NEBL: variants seen among roughly 807,000 people sequenced by gnomAD.
The protein encoded by NEBL is LIM and SH3 protein 2.
Under a neutral mutation model 140.2 loss-of-function variants are expected in NEBL, and 122 were observed. The observed-to-expected ratio is 0.87, with a 90% CI of 0.75 to 1.01. The LOEUF is 1.01. NEBL is among the 50% of genes least tolerant of loss of function. The probability of loss-of-function intolerance (pLI) is 0.00; values close to 1 mark genes in which losing one functional copy is unlikely to be tolerated. For missense variants in NEBL, 1,365 were observed against 1,231.3 expected (o/e 1.11, Z -1.62); for synonymous variants, 436 against 398.9 (o/e 1.09, Z -1.11).
chr10:21,210,408 AG>A (rs1294994085), intron 3 of NEBL, among the ~76,000 whole-genome samples: 6 of 152,200 alleles, frequency 3.9e-5, no homozygotes, highest in Non-Finnish European at 7.3e-5. Flanking sequence ...AAAGAAAGAA[AG>A]AAAAACATCC....
At chr10:21,166,604 T>C (rs538706847) in intron 2 of NEBL, among the ~76,000 whole-genome samples, 10 of 152,368 alleles carry the variant, frequency 6.6e-5, no homozygotes, top group Admixed American at 6.5e-4. Flanking sequence ...GACACCAGGC[T>C]ACGGCCTATC....
At chr10:20,920,431 G>A (rs1029147573) in intron 4 of NEBL, among the ~76,000 whole-genome samples, 1 of 152,196 alleles carries the variant, frequency 6.6e-6, no homozygotes, top group Non-Finnish European at 1.5e-5. Context: ...AGAAATTGTA[G>A]TCCAGCGACA....
At position 21,173,258 on chromosome 10, in the gene NEBL, G is replaced by A. The variant is rs1589312938; in HGVS notation, c.69+507C>T. ...GCGCTGAGCCGGAGCTCTCCAGCAG[G>A]GATTATTCTTAGCAATGCGGCAGCG... On this transcript the variant is annotated intron_variant, in intron 1 of 6. Coordinates refer to the NEBL transcript ENST00000417816. This position sits in a 1 kb window ranked among gnomAD's most constrained non-coding sequence, Gnocchi z 5.7. Among the ~76,000 whole-genome samples the A allele has an allele frequency of 6.6e-6, 1 of 152,330 alleles. No homozygotes were observed. Among genetic ancestry groups the A allele is most frequent in the East Asian group, 1.9e-4 (1 of 5,170 alleles).
Position 20,915,211 on chromosome 10 carries a change from G to A in NEBL, c.357+46461C>T, listed in dbSNP as rs192148901. On this transcript the variant is annotated intron_variant, in intron 4 of 6. Coordinates refer to the NEBL transcript ENST00000417816. Reference sequence around the variant, plus strand: ...AATAACACTTCACCAACAAATACTTGTTAGACATTTATATATGCAAGGAAC... The same window carrying A: ...AATAACACTTCACCAACAAATACTTATTAGACATTTATATATGCAAGGAAC... Among the ~76,000 whole-genome samples, 5 of 152,088 alleles carry A rather than the reference G, an allele frequency of 3.3e-5. No individual in the cohort carries two copies. In the East Asian group the frequency reaches 9.7e-4, roughly 29 times the overall value.
chr10:21,129,053 T>C (rs1838976895), intron 2 of NEBL, among the ~76,000 whole-genome samples: 1 of 152,204 alleles, frequency 6.6e-6, no homozygotes, highest in South Asian at 2.1e-4. Flanking sequence ...TGTACCCTGC[T>C]AAATTATCCT....
chr10:21,254,057 G>A (rs1842623484), intron 1 of NEBL, among the ~76,000 whole-genome samples: 2 of 152,188 alleles, frequency 1.3e-5, no homozygotes, highest in South Asian at 4.1e-4. Flanking sequence ...ATTGATAAAT[G>A]TAACATTTAA....
intron 22 of NEBL, among the ~76,000 whole-genome samples, chr10:20,815,422 T>C (rs1009866916): frequency 2.0e-5 from 3 of 152,224 alleles, no homozygotes; most frequent in African/African-American, 7.2e-5. Context: ...TGGTCACATC[T>C]GGAAATAACA....
chr10:20,863,367 A>AGCAAAGAAATAGCTTGATAAGT (rs1314084785), intron 7 of NEBL, among the ~76,000 whole-genome samples: 5 of 152,224 alleles, frequency 3.3e-5, no homozygotes, highest in African/African-American at 1.2e-4. Flanking sequence ...AACACATTTT[A>AGCAAAGAAATAGCTTGATAAGT]GCAAAGAAAT....
chr10:21,110,536 T>C (rs1043630220), intron 2 of NEBL: 20 of 207,694 alleles, frequency 9.6e-5, no homozygotes, highest in Non-Finnish European at 1.8e-4. Context: ...CTATCTTTTT[T>C]TCTTAATCAT....
chr10:21,237,672 T>C (rs1388022408), intron 3 of NEBL, among the ~76,000 whole-genome samples: 1 of 151,878 alleles, frequency 6.6e-6, no homozygotes, highest in African/African-American at 2.4e-5. Context: ...AGTAGCACCA[T>C]GTCAGCTCAC....
intron 4 of NEBL, among the ~76,000 whole-genome samples, chr10:20,884,362 C>A (rs1846276988): frequency 6.6e-6 from 1 of 152,146 alleles, no homozygotes; most frequent in South Asian, 2.1e-4. Context: ...CAGGCACGAG[C>A]CACAGCATCT....
intron 1 of NEBL, among the ~76,000 whole-genome samples, chr10:21,292,732 T>C (rs1486915791): frequency 2.6e-5 from 4 of 152,230 alleles, no homozygotes; most frequent in Non-Finnish European, 5.9e-5. Context: ...ATCTATCTTG[T>C]GAAAGGAAAG....
At chr10:21,195,220 T>G (rs749052457) in intron 3 of NEBL, among the ~76,000 whole-genome samples, 3 of 152,162 alleles carry the variant, frequency 2.0e-5, no homozygotes, top group African/African-American at 7.2e-5. Flanking sequence ...GTCATCCTTA[T>G]GAAAGGAAGA....
chr10:20,878,590 C>A (rs566001023), intron 5 of NEBL, among the ~76,000 whole-genome samples: 148 of 152,250 alleles, frequency 9.7e-4, no homozygotes, highest in African/African-American at 3.4e-3. Flanking sequence ...ATTGTAGGGA[C>A]AACAAATGTA....
At chr10:20,809,750 GGT>G (rs1837945484) in intron 25 of NEBL, 54 bp downstream of exon 25, 1 of 1,334,748 alleles carries the variant, frequency 7.5e-7, no homozygotes, top group Admixed American at 1.7e-5. Context: ...AGTTCACAGT[GGT>G]TCACTTTTGG....
chr10:20,839,814 A>G (rs1588746540), intron 13 of NEBL, among the ~76,000 whole-genome samples: 2 of 152,260 alleles, frequency 1.3e-5, no homozygotes, highest in Middle Eastern at 6.8e-3. Flanking sequence ...GATTGGAACT[A>G]TAAAAAGGGA....
intron 3 of NEBL, among the ~76,000 whole-genome samples, chr10:21,200,471 G>A (rs970551609): frequency 1.3e-5 from 2 of 151,830 alleles, no homozygotes; most frequent in African/African-American, 4.8e-5. Context: ...ACACCACCAT[G>A]CCCAGCTAAC....
chr10:20,791,321 G>A (rs1588603727), intron 26 of NEBL, among the ~76,000 whole-genome samples: 1 of 152,128 alleles, frequency 6.6e-6, no homozygotes, highest in African/African-American at 2.4e-5. Flanking sequence ...AATGGAAAGA[G>A]ATAAAACCAA....
intron 26 of NEBL, among the ~76,000 whole-genome samples, 192 bp from the exon 27 acceptor site, chr10:20,787,500 C>T (rs1342563450): frequency 6.6e-6 from 1 of 152,150 alleles, no homozygotes; most frequent in African/African-American, 2.4e-5. Flanking sequence ...ATTAGGGACA[C>T]ATAAAGAAAC....
Sources: allele counts gnomAD v4.1 joint callset (sites outside exome capture counted in the v4.1 genomes callset), GRCh38; gene constraint gnomAD v4.1.1; non-coding constraint Gnocchi (gnomAD v3.1); transcripts MANE v1.5; gene names NCBI Gene and HGNC (gene_info 2026-07-23, HGNC 2026-07-21).